RBFOX1: variants seen among roughly 807,000 people sequenced by gnomAD.
RBFOX1 encodes RNA binding protein fox-1 homolog 1.
A neutral mutation model predicts 57.7 loss-of-function variants in RBFOX1; 8 were observed. The observed-to-expected ratio is 0.14, with a 90% CI of 0.08 to 0.25. The LOEUF is 0.25. RBFOX1 is among the 10% of genes least tolerant of loss of function. The probability of loss-of-function intolerance (pLI) is 1.00; values close to 1 mark genes in which losing one functional copy is unlikely to be tolerated. For missense variants in RBFOX1, 611 were observed against 548.5 expected, an observed-to-expected ratio of 1.11 and a Z score of -1.14; for synonymous variants, 326 against 222.4, an observed-to-expected ratio of 1.47 and a Z score of -4.15.
chr16:6,036,684 C>G (rs531220246), intron 1 of RBFOX1, among the ~76,000 whole-genome samples: 1 of 152,120 alleles, frequency 6.6e-6, no homozygotes, highest in African/African-American at 2.4e-5. Flanking sequence ...GAGATAGGGA[C>G]AAATACAACA....
At chr16:6,856,471 C>T (rs183383608) in intron 3 of RBFOX1, among the ~76,000 whole-genome samples, 64 of 152,156 alleles carry the variant, frequency 4.2e-4, no homozygotes, top group African/African-American at 1.4e-3. Flanking sequence ...GACCTTTAAA[C>T]CCAGGATATA....
intron 2 of RBFOX1, among the ~76,000 whole-genome samples, chr16:6,594,214 C>G (rs941637633): frequency 2.6e-5 from 4 of 152,086 alleles, no homozygotes; most frequent in African/African-American, 9.7e-5. Context: ...GTGCTTCCAG[C>G]AAATAATGCT....
At chr16:6,977,996 C>T (rs1436669331) in intron 3 of RBFOX1, among the ~76,000 whole-genome samples, 2 of 150,438 alleles carry the variant, frequency 1.3e-5, no homozygotes, top group Non-Finnish European at 2.9e-5. Context: ...CTTTGCAAGA[C>T]ACTCAGCATT....
intron 1 of RBFOX1, among the ~76,000 whole-genome samples, chr16:5,435,099 G>T (rs769800197): frequency 6.6e-6 from 1 of 152,200 alleles, no homozygotes; most frequent in Non-Finnish European, 1.5e-5. Flanking sequence ...AATGCAGTTA[G>T]ACTGAAGAGT....
intron 3 of RBFOX1, among the ~76,000 whole-genome samples, chr16:6,802,670 G>A (rs181012633): frequency 8.5e-5 from 13 of 152,218 alleles, no homozygotes; most frequent in African/African-American, 2.4e-4. Context: ...GTGAGACTCC[G>A]TCTCAATTAA....
chr16:5,848,800 T>A (rs2056818478), intron 3 of RBFOX1, among the ~76,000 whole-genome samples: 1 of 151,688 alleles, frequency 6.6e-6, no homozygotes, highest in African/African-American at 2.4e-5. Context: ...AATACAAAAA[T>A]TAGCTGGGCA....
intron 1 of RBFOX1, among the ~76,000 whole-genome samples, chr16:5,371,419 C>G (rs1193933490): frequency 6.6e-6 from 1 of 152,194 alleles, no homozygotes; most frequent in Non-Finnish European, 1.5e-5. Context: ...ACCTGCAAGT[C>G]CAGGAGAGGC....
chr16:5,280,739 T>C (rs2063251025), intron 1 of RBFOX1, among the ~76,000 whole-genome samples: 1 of 152,148 alleles, frequency 6.6e-6, no homozygotes, highest in African/African-American at 2.4e-5. Flanking sequence ...CATAATAGCC[T>C]CTAATGATCC....
intron 2 of RBFOX1, among the ~76,000 whole-genome samples, chr16:6,616,424 C>A (rs1283563485): frequency 6.6e-6 from 1 of 151,264 alleles, no homozygotes; most frequent in Non-Finnish European, 1.5e-5. Flanking sequence ...CGCCTGTAAT[C>A]CCAACACTTC....
intron 3 of RBFOX1, among the ~76,000 whole-genome samples, chr16:6,946,109 A>C (rs999059450): frequency 1.3e-5 from 2 of 152,204 alleles, no homozygotes; most frequent in East Asian, 3.9e-4. Context: ...GATTTGCTTT[A>C]TAAATAACCC....
At chr16:7,234,689 G>GTA (rs58239562) in intron 4 of RBFOX1, among the ~76,000 whole-genome samples, 78,424 of 146,530 alleles carry the variant, frequency 0.54, 21,790 homozygotes, top group East Asian at 0.78. Flanking sequence ...ATATATATAT[G>GTA]TATATATATA....
At chr16:6,584,001 T>TAAA (rs3045197) in intron 2 of RBFOX1, among the ~76,000 whole-genome samples, 41 of 146,102 alleles carry the variant, frequency 2.8e-4, no homozygotes, top group Admixed American at 5.4e-4. Context: ...CAACAACATT[T>TAAA]AAAAAAAAAA....
chr16:6,743,704 C>T (rs796088039), intron 3 of RBFOX1, among the ~76,000 whole-genome samples: 2 of 151,812 alleles, frequency 1.3e-5, no homozygotes, highest in Admixed American at 1.3e-4. Flanking sequence ...CATCACACCA[C>T]TGTATTCCAG....
At position 7,518,177 on chromosome 16, in the gene RBFOX1, A is replaced by G; in HGVS notation, c.58A>G (p.Thr20Ala). 2 of 1,613,602 alleles carry G rather than the reference A, an allele frequency of 1.2e-6. No individual in the cohort carries two copies. Among genetic ancestry groups the G allele is most frequent in the Admixed American group, 1.7e-5 (1 of 59,968 alleles). Reference sequence around the variant, plus strand: ...TCAGGAAGCAGCCGCTGCCCCTGACACAATGGCTCAGCCTTACGCTTCGGC... The same window carrying G: ...TCAGGAAGCAGCCGCTGCCCCTGACGCAATGGCTCAGCCTTACGCTTCGGC... The part of the protein sequence containing the change: ...GNQEAAAAPD[T>A]MAQPYASAQF... The change falls in exon 5 of 16, where the codon ACA (threonine) becomes GCA (alanine). Residue 20 changes from threonine to alanine, a missense_variant. This residue lies in a region of RBFOX1 where 245 missense variants were observed against 159.1 expected (regional missense o/e 1.54). Transcript: ENST00000550418.
intron 3 of RBFOX1, among the ~76,000 whole-genome samples, chr16:6,878,292 G>C (rs894560718): frequency 2.6e-5 from 4 of 152,126 alleles, no homozygotes; most frequent in African/African-American, 9.7e-5. Context: ...GAGCAGTTCT[G>C]GCTAATGAAC....
chr16:5,277,611 C>T (rs1310366907), intron 1 of RBFOX1, among the ~76,000 whole-genome samples: 1 of 152,126 alleles, frequency 6.6e-6, no homozygotes, highest in African/African-American at 2.4e-5. Context: ...TCTTTATCTC[C>T]ATGACATCAA....
At chr16:5,907,295 G>T (rs539674293) in intron 4 of RBFOX1, among the ~76,000 whole-genome samples, 2 of 152,056 alleles carry the variant, frequency 1.3e-5, no homozygotes, top group African/African-American at 4.8e-5. Flanking sequence ...CTCTGTGCAT[G>T]CCCCTGGACC....
At chr16:6,916,433 TG>T (rs1285483527) in intron 3 of RBFOX1, among the ~76,000 whole-genome samples, 7 of 152,268 alleles carry the variant, frequency 4.6e-5, no homozygotes, top group African/African-American at 1.7e-4. Context: ...GTGGAATTGC[TG>T]GGTAATGTGG....
chr16:5,956,311 C>A (rs545072139), intron 4 of RBFOX1, among the ~76,000 whole-genome samples: 2 of 151,876 alleles, frequency 1.3e-5, no homozygotes, highest in South Asian at 4.2e-4. Context: ...TGTATTAAGC[C>A]CAGTAAAATT....
Sources: gnomAD v4.1 joint callset for allele counts (sites outside exome capture counted in the v4.1 genomes callset) on GRCh38, gnomAD v4.1.1 for gene constraint, gnomAD v4.1.1 regional missense constraint, MANE v1.5 for transcripts, NCBI Gene and HGNC (gene_info 2026-07-23, HGNC 2026-07-21) for gene names.